Variants in SRGAP2 observed in about 807,000 individuals in gnomAD.
The protein encoded by SRGAP2 is SLIT-ROBO Rho GTPase-activating protein 2.
SRGAP2 carries 15 observed loss-of-function variants against 57.2 expected under a neutral mutation model. The observed-to-expected ratio is 0.26, with a 90% CI of 0.18 to 0.40. The LOEUF (loss-of-function observed/expected upper bound fraction) is 0.40. SRGAP2 is among the 10% of genes least tolerant of loss of function. The pLI, the probability that SRGAP2 is intolerant of heterozygous loss-of-function variation, is 1.00. For missense variants in SRGAP2, 520 were observed against 669.6 expected (o/e 0.78, Z 2.47); for synonymous variants, 249 against 248.0 (o/e 1.00, Z -0.04).
intron 18 of SRGAP2, among the ~76,000 whole-genome samples, chr1:206,450,151 G>T (rs1553375319): frequency 6.6e-6 from 1 of 152,184 alleles, no homozygotes; most frequent in Non-Finnish European, 1.5e-5. Context: ...GCTTCCCTTT[G>T]TCTTGAGATA....
rs1553371469 is a variant in SRGAP2, at chr1:206,440,089, G to A, written c.1874+8G>A. On this transcript the variant is annotated splice_region_variant and intron_variant, in intron 17 of 22. Transcript: ENST00000573034. ...CTTTGCCTTCCTCAATCAGTGAGTA[G>A]CCTTCCCAGTGAACAGCTGGATCAG... 5.1e-6 allele frequency: 4 copies of A among 780,562 alleles called. No homozygotes were observed. The South Asian group carries it at 5.4e-5, about 10-fold the overall frequency. The allele number at this position is 780,562 out of a possible 1,614,324, so 48.4% of individuals were successfully genotyped here. A position where few individuals can be genotyped will look rare whatever the true frequency, so the allele number is the denominator to read the frequency against.
chr1:206,377,490 T>G (rs1655325788), intron 4 of SRGAP2, among the ~76,000 whole-genome samples: 1 of 128,480 alleles, frequency 7.8e-6, no homozygotes. Context: ...GATTTTTTTT[T>G]TTTTTTTTTT....
At chr1:206,448,273 C>T (rs536688278) in intron 18 of SRGAP2, among the ~76,000 whole-genome samples, 1 of 152,228 alleles carries the variant, frequency 6.6e-6, no homozygotes, top group African/African-American at 2.4e-5. Flanking sequence ...ATGGCCTCCC[C>T]ACAGCTGTGG....
chr1:206,253,573 CTTTTTTTTTT>C (rs71264673), intron 2 of SRGAP2, among the ~76,000 whole-genome samples: 1 of 101,664 alleles, frequency 9.8e-6, no homozygotes, highest in Non-Finnish European at 1.9e-5. Flanking sequence ...TTCTTTCTTT[CTTTTTTTTTT>C]TTTTTTTTTT....
intron 4 of SRGAP2, among the ~76,000 whole-genome samples, chr1:206,370,696 A>G (rs1387227949): frequency 6.6e-6 from 1 of 152,194 alleles, no homozygotes; most frequent in African/African-American, 2.4e-5. Context: ...TTGCAAATAT[A>G]CTAATAGCCA....
chr1:206,331,757 T>TA (rs1472428444), intron 3 of SRGAP2, among the ~76,000 whole-genome samples: 1 of 110,170 alleles, frequency 9.1e-6, no homozygotes, highest in East Asian at 2.5e-4. Context: ...CTTGACTCTT[T>TA]ATCCAACTTG....
chr1:206,301,714 TG>T (rs1671884418), intron 2 of SRGAP2, among the ~76,000 whole-genome samples: 1 of 140,526 alleles, frequency 7.1e-6, no homozygotes, highest in African/African-American at 2.7e-5. Context: ...ACTGCAGGGC[TG>T]GTTGGCATTG....
intron 4 of SRGAP2, among the ~76,000 whole-genome samples, chr1:206,346,756 T>C (rs1675660763): frequency 6.6e-6 from 1 of 152,220 alleles, no homozygotes; most frequent in African/African-American, 2.4e-5. Flanking sequence ...AAAATCTTTT[T>C]TTAATCTATA....
intron 4 of SRGAP2, among the ~76,000 whole-genome samples, chr1:206,376,244 G>A (rs1655192241): frequency 6.6e-6 from 1 of 151,886 alleles, no homozygotes; most frequent in African/African-American, 2.4e-5. Flanking sequence ...TGGGAGTTTT[G>A]TTTTTTTGTT....
At position 206,430,470 on chromosome 1, in the gene SRGAP2, A is replaced by G. The variant is rs1213179565; in HGVS notation, c.1555+248A>G. On this transcript the variant is annotated intron_variant, in intron 14 of 22. Transcript: ENST00000573034. ...TCACGCAGCATTTTTTTAGCTTGAG[A>G]GTAAGTTTGAAATTGCAGCTGTTAT... 2.0e-5 allele frequency among the ~76,000 whole-genome samples: 3 copies of G among 152,218 alleles called. No individual in the cohort carries two copies. In the East Asian group the frequency reaches 5.8e-4, roughly 29 times the overall value.
At chr1:206,449,044 G>A (rs1014546804) in intron 18 of SRGAP2, among the ~76,000 whole-genome samples, 45 of 152,104 alleles carry the variant, frequency 3.0e-4, no homozygotes, top group African/African-American at 9.7e-4. Context: ...GAAACTGTGC[G>A]GCCAGGCTGC....
intron 2 of SRGAP2, among the ~76,000 whole-genome samples, chr1:206,283,243 A>G (rs1262613056): frequency 6.6e-6 from 1 of 150,816 alleles, no homozygotes; most frequent in Admixed American, 6.6e-5. Context: ...TTTACATTGC[A>G]ATTACTTCTT....
chr1:206,220,080 GGCATAT>G (rs1384761574), intron 2 of SRGAP2, among the ~76,000 whole-genome samples: 1 of 142,894 alleles, frequency 7.0e-6, no homozygotes, highest in African/African-American at 2.6e-5. Flanking sequence ...TAGAAGAAAA[GGCATAT>G]GCACACTTAT....
intron 2 of SRGAP2, among the ~76,000 whole-genome samples, chr1:206,240,518 T>G (rs1223782017): frequency 3.3e-5 from 5 of 152,276 alleles, no homozygotes; most frequent in South Asian, 2.1e-4. Flanking sequence ...GCAGAATTTG[T>G]TCACGCCTAG....
At chr1:206,460,488 C>A (rs372772743) in intron 22 of SRGAP2, among the ~76,000 whole-genome samples, 1 of 151,822 alleles carries the variant, frequency 6.6e-6, no homozygotes, top group South Asian at 2.1e-4. Context: ...GGAGGAGGGG[C>A]GGGGGGAGGC....
intron 13 of SRGAP2, among the ~76,000 whole-genome samples, chr1:206,428,421 A>C (rs1553367103): frequency 2.5e-5 from 3 of 119,610 alleles, no homozygotes; most frequent in Non-Finnish European, 5.0e-5. Flanking sequence ...ACTCTGTCTC[A>C]AAAAAAAAAA....
At chr1:206,439,209 C>A (rs1264131610) in intron 16 of SRGAP2, among the ~76,000 whole-genome samples, 2 of 152,070 alleles carry the variant, frequency 1.3e-5, no homozygotes, top group African/African-American at 4.8e-5. Flanking sequence ...TAGAAAATGG[C>A]AGTGTTTACA....
At chr1:206,296,604 A>G (rs1671610007) in intron 2 of SRGAP2, among the ~76,000 whole-genome samples, 1 of 152,082 alleles carries the variant, frequency 6.6e-6, no homozygotes, top group South Asian at 2.1e-4. Flanking sequence ...TAACTTAAAA[A>G]AAAATTTTGT....
chr1:206,453,960 A>G (rs1274722373), intron 20 of SRGAP2: 33 of 577,730 alleles, frequency 5.7e-5, no homozygotes, highest in Non-Finnish European at 1.0e-4. Flanking sequence ...GGAAACCTGA[A>G]CTGGTCCCAG....
Sources: gnomAD v4.1 joint callset for allele counts (sites outside exome capture counted in the v4.1 genomes callset) on GRCh38, gnomAD v4.1.1 for gene constraint, MANE v1.5 for transcripts, NCBI Gene and HGNC (gene_info 2026-07-23, HGNC 2026-07-21) for gene names.